Variants in AFAP1 observed in about 807,000 individuals in gnomAD.
AFAP1 encodes actin filament associated protein 1, also known as actin filament-associated protein 1.
A neutral mutation model predicts 93.9 loss-of-function variants in AFAP1; 75 were observed. The ratio of observed to expected loss-of-function variants is 0.80; its 90% CI spans 0.66 to 0.97. The LOEUF (loss-of-function observed/expected upper bound fraction) is 0.97, where lower values mean the gene tolerates loss of function less well. AFAP1 is among the 50% of genes least tolerant of loss of function. AFAP1 has a pLI of 0.00. For missense variants in AFAP1, 1,201 were observed against 1,050.8 expected, an observed-to-expected ratio of 1.14 and a Z score of -1.98; for synonymous variants, 517 against 430.7, an observed-to-expected ratio of 1.20 and a Z score of -2.48.
chr4:7,865,946 G>C (rs1388857982), intron 3 of AFAP1, among the ~76,000 whole-genome samples: 2 of 152,192 alleles, frequency 1.3e-5, no homozygotes, highest in African/African-American at 2.4e-5. Flanking sequence ...ACGCAGGCTG[G>C]AGTGCAGTGG....
chr4:7,851,106 C>G (rs905169564), intron 4 of AFAP1, among the ~76,000 whole-genome samples: 1 of 152,170 alleles, frequency 6.6e-6, no homozygotes, highest in African/African-American at 2.4e-5. Context: ...GAGGGTGGAC[C>G]TCTGGGAGTT....
chr4:7,871,596 C>A (rs1717052152), intron 2 of AFAP1, among the ~76,000 whole-genome samples: 1 of 152,214 alleles, frequency 6.6e-6, no homozygotes, highest in Non-Finnish European at 1.5e-5. Context: ...CTTCTCCCTT[C>A]CGATCTGCCA....
chr4:7,793,848 T>C (rs769305853), intron 10 of AFAP1, 22 bp from the exon 11 acceptor site: 1 of 1,508,974 alleles, frequency 6.6e-7, no homozygotes, highest in Non-Finnish European at 9.0e-7. Context: ...GGAAAAAAGG[T>C]AGGCTGTATT....
intron 3 of AFAP1, among the ~76,000 whole-genome samples, chr4:7,859,048 G>A (rs1425532259): frequency 6.6e-6 from 1 of 152,204 alleles, no homozygotes; most frequent in East Asian, 1.9e-4. Context: ...GACCCAGTCC[G>A]TGCACATGCC....
chr4:7,869,724 C>T (rs1185905524), intron 2 of AFAP1, among the ~76,000 whole-genome samples: 2 of 152,158 alleles, frequency 1.3e-5, no homozygotes, highest in East Asian at 3.9e-4. Context: ...TCCAGTACTA[C>T]ACTAGAGGCC....
At chr4:7,843,373 G>T (rs879814226) in intron 4 of AFAP1, 23 bp from the exon 5 acceptor site, 3 of 1,587,752 alleles carry the variant, frequency 1.9e-6, no homozygotes, top group African/African-American at 2.7e-5. Flanking sequence ...AACATACACT[G>T]GTAAAAAGGA....
intron 12 of AFAP1, among the ~76,000 whole-genome samples, chr4:7,784,653 AAGG>A (rs1449845987): frequency 1.3e-5 from 2 of 152,122 alleles, no homozygotes; most frequent in African/African-American, 4.8e-5. Flanking sequence ...GAGCAGCAGG[AAGG>A]AGGAGGCGGC....
chr4:7,764,899 A>C (rs1053652861), intron 17 of AFAP1, among the ~76,000 whole-genome samples: 6 of 152,174 alleles, frequency 3.9e-5, no homozygotes, highest in African/African-American at 1.4e-4. Context: ...TGATGCCAGG[A>C]GTTTAAGACC....
At chr4:7,859,721 TAC>T (rs1377484750) in intron 3 of AFAP1, among the ~76,000 whole-genome samples, 1 of 152,202 alleles carries the variant, frequency 6.6e-6, no homozygotes, top group Non-Finnish European at 1.5e-5. Flanking sequence ...AGAAAACTAG[TAC>T]TTACACAACA....
At chr4:7,792,182 C>T (rs1026494096) in intron 11 of AFAP1, among the ~76,000 whole-genome samples, 6 of 152,170 alleles carry the variant, frequency 3.9e-5, no homozygotes, top group Non-Finnish European at 5.9e-5. Flanking sequence ...TACACCAAAA[C>T]GCAGCAAGTG....
intron 3 of AFAP1, among the ~76,000 whole-genome samples, chr4:7,859,170 C>T (rs1487861800): frequency 6.6e-6 from 1 of 152,184 alleles, no homozygotes; most frequent in Non-Finnish European, 1.5e-5. Flanking sequence ...CCTGTAATCC[C>T]AGCACTTTGG....
intron 1 of AFAP1, among the ~76,000 whole-genome samples, chr4:7,933,468 G>A (rs972725140): frequency 6.6e-6 from 1 of 152,180 alleles, no homozygotes; most frequent in Non-Finnish European, 1.5e-5. Context: ...AGCTACTCAG[G>A]AGGCTGAGGC....
In AFAP1 at chr4:7,772,908, T is replaced by C. The variant is rs1220496501; in HGVS notation, c.2165A>G (p.Glu722Gly). The change falls in exon 16 of 18, where the codon GAG becomes GGG. Residue 722 changes from glutamate (E) to glycine (G), a missense_variant. Glu to Gly is a moderately conservative substitution (Grantham distance 98). Transcript: ENST00000420658. Reference sequence around the variant, plus strand: ...CGCTTTCTTCAGGCTCTCCTTGACCTCCGTCAGCTCCAGCTCCAGGCTGAC... The same window carrying C: ...CGCTTTCTTCAGGCTCTCCTTGACCCCCGTCAGCTCCAGCTCCAGGCTGAC... ...ERVSLELELT[E>G]VKESLKKALA... 1 of 1,614,016 alleles carries C rather than the reference T, an allele frequency of 6.2e-7. No homozygotes were observed. Among genetic ancestry groups the C allele is most frequent in the South Asian group, 1.1e-5 (1 of 91,090 alleles).
chr4:7,827,269 C>T (rs764025024), intron 6 of AFAP1, among the ~76,000 whole-genome samples: 1 of 152,050 alleles, frequency 6.6e-6, no homozygotes, highest in African/African-American at 2.4e-5. Flanking sequence ...CCTACAGATG[C>T]AACTTCAAAA....
At chr4:7,887,667 A>G (rs1718209716) in intron 1 of AFAP1, among the ~76,000 whole-genome samples, 1 of 152,194 alleles carries the variant, frequency 6.6e-6, no homozygotes, top group Admixed American at 6.5e-5. Context: ...CTGCAAACTT[A>G]AACTCAGAAT....
intron 10 of AFAP1, among the ~76,000 whole-genome samples, chr4:7,798,041 TTAAAA>T (rs1329883681): frequency 7.2e-5 from 11 of 152,174 alleles, no homozygotes; most frequent in South Asian, 2.1e-4. Flanking sequence ...AAAACAAAAG[TTAAAA>T]TAAAAGGATC....
At chr4:7,816,131 C>G in intron 7 of AFAP1, 32 bp from the exon 8 acceptor site, 2 of 1,578,058 alleles carry the variant, frequency 1.3e-6, no homozygotes, top group Non-Finnish European at 1.7e-6. Context: ...GTTATTCTTA[C>G]AGTGGTCACT....
chr4:7,853,614 C>A (rs955628153), intron 4 of AFAP1, among the ~76,000 whole-genome samples: 1 of 152,148 alleles, frequency 6.6e-6, no homozygotes, highest in African/African-American at 2.4e-5. Flanking sequence ...CAACTGCACA[C>A]GCCCTCAATT....
Position 7,833,575 on chromosome 4 carries a change from C to A in AFAP1, c.726+4949G>T, listed in dbSNP as rs4594724. Among the ~76,000 whole-genome samples the A allele has an allele frequency of 2.0e-5, 3 of 147,726 alleles. 1 individual carries two copies. The Admixed American group carries it at 2.1e-4, about 10-fold the overall frequency. On this transcript the variant is annotated intron_variant, in intron 6 of 17. Transcript: ENST00000420658. ...AAACTAGTACAACCACTATGGAAAA[C>A]AGTGTGGAGATGTCTTTTTTTTTTT...
Sources: gnomAD v4.1 joint callset for allele counts (sites outside exome capture counted in the v4.1 genomes callset) on GRCh38, gnomAD v4.1.1 for gene constraint, MANE v1.5 for transcripts, NCBI Gene and HGNC (gene_info 2026-07-23, HGNC 2026-07-21) for gene names.